KCTD1: variants seen among roughly 807,000 people sequenced by gnomAD.
The protein encoded by KCTD1 is BTB/POZ domain-containing protein KCTD1.
KCTD1 carries 24 observed loss-of-function variants against 66.0 expected under a neutral mutation model. The ratio of observed to expected loss-of-function variants is 0.36; its 90% CI spans 0.26 to 0.51. The LOEUF is 0.51. Among genes scored for constraint, KCTD1 ranks in the 20% least tolerant of loss-of-function variants. KCTD1 has a pLI of 0.95. For synonymous variants in KCTD1, 511 were observed against 517.2 expected, an observed-to-expected ratio of 0.99 and a Z score of 0.16; for missense variants, 943 against 1,205.2, an observed-to-expected ratio of 0.78 and a Z score of 3.22.
rs1985369626 is a variant in KCTD1, at chr18:26,548,354, CTCCTCT to C, written c.177_182del (p.Glu62_Glu63del). Reference sequence around the variant, plus strand: ...GCACCTCCTGGATCTCGTCCTCCTCCTCCTCTTCCTCCTCCTCCTCGCCCGCGCTGC... The same window carrying C: ...GCACCTCCTGGATCTCGTCCTCCTCCTCCTCCTCCTCCTCGCCCGCGCTGC... On this transcript the variant is annotated inframe_deletion, in exon 1 of 5. Transcript: ENST00000580059. The C allele has an allele frequency of 4.0e-6, 6 of 1,488,138 alleles. No homozygotes were observed. Among genetic ancestry groups the C allele is most frequent in the Non-Finnish European group, 5.4e-6 (6 of 1,120,876 alleles). The allele number at this position is 1,488,138 out of a possible 1,614,324, so 92.2% of individuals were successfully genotyped here.
chr18:26,621,306 C>T (rs1462894973), intron 1 of KCTD1, among the ~76,000 whole-genome samples: 1 of 152,110 alleles, frequency 6.6e-6, no homozygotes, highest in Non-Finnish European at 1.5e-5. Context: ...CTTCCCATGT[C>T]ACAAAATACA....
chr18:26,565,767 AC>A (rs1985967621), intron 1 of KCTD1: 1 of 151,298 alleles, frequency 6.6e-6, no homozygotes, highest in African/African-American at 2.4e-5. Flanking sequence ...CAAGTTTAGT[AC>A]TAAGGATTAG....
At chr18:26,553,305 T>G (rs935202421), upstream of KCTD1, among the ~76,000 whole-genome samples, 3 of 152,228 alleles carry the variant, frequency 2.0e-5, no homozygotes, top group Non-Finnish European at 4.4e-5. Flanking sequence ...TAATGTTTTT[T>G]GAACTCAGAT....
intron 1 of KCTD1, among the ~76,000 whole-genome samples, chr18:26,651,799 A>AAAAAAAG (rs764181233): frequency 2.8e-4 from 33 of 117,144 alleles, no homozygotes; most frequent in African/African-American, 1.0e-3. Flanking sequence ...AAAAAAAAAA[A>AAAAAAAG]AAGAAGAAGA....
chr18:26,615,663 G>A (rs1568010373), intron 1 of KCTD1, among the ~76,000 whole-genome samples: 1 of 152,194 alleles, frequency 6.6e-6, no homozygotes, highest in Admixed American at 6.5e-5. Flanking sequence ...GTTCTGATTA[G>A]AATGTGATCA....
At chr18:26,466,482 T>C (rs1419445199) in intron 3 of KCTD1, among the ~76,000 whole-genome samples, 1 of 152,196 alleles carries the variant, frequency 6.6e-6, no homozygotes, top group Non-Finnish European at 1.5e-5. Context: ...AGAGGGCATT[T>C]AGCAATGTCT....
chr18:26,604,562 A>G (rs919960291), intron 1 of KCTD1, among the ~76,000 whole-genome samples: 12 of 152,266 alleles, frequency 7.9e-5, no homozygotes, highest in Non-Finnish European at 1.8e-4. Flanking sequence ...CTATGCAGCC[A>G]TAAAAAATGA....
intron 2 of KCTD1, among the ~76,000 whole-genome samples, chr18:26,485,675 C>G (rs139536048): frequency 1.6e-4 from 25 of 152,112 alleles, no homozygotes; most frequent in African/African-American, 6.0e-4. Flanking sequence ...TAGGTTTTCC[C>G]TTGCTTTTTA....
upstream of KCTD1, chr18:26,548,615 T>G: frequency 1.7e-6 from 2 of 1,174,026 alleles, no homozygotes; most frequent in Non-Finnish European, 2.1e-6. Context: ...TTGTGTTTAA[T>G]GACCTTCAGC....
intron 1 of KCTD1, among the ~76,000 whole-genome samples, chr18:26,509,296 C>A (rs1033164451): frequency 2.6e-5 from 4 of 152,134 alleles, no homozygotes; most frequent in African/African-American, 9.7e-5. Context: ...TTCTGAGTAT[C>A]CACATTTGAT....
chr18:26,589,420 G>A (rs143845420), intron 1 of KCTD1, among the ~76,000 whole-genome samples: 69 of 152,172 alleles, frequency 4.5e-4, no homozygotes, highest in African/African-American at 1.6e-3. Flanking sequence ...CACATTTTAT[G>A]GAAACAGAAT....
At chr18:26,600,096 C>T (rs1986855472) in intron 1 of KCTD1, 1 of 1,610,780 alleles carries the variant, frequency 6.2e-7, no homozygotes. Flanking sequence ...ATCCGGCTTC[C>T]CTGCAGGCTG....
rs1403612840 is a variant in KCTD1, at chr18:26,548,160, T to A, written c.377A>T (p.Asp126Val). 1 of 1,463,498 alleles carries A rather than the reference T, an allele frequency of 6.8e-7. No homozygotes were observed. The allele number at this position is 1,463,498 out of a possible 1,614,324, so 90.7% of individuals were successfully genotyped here. The change falls in exon 1 of 5, where the codon GAC (aspartate) becomes GTC (valine). Residue 126 changes from aspartate (D) to valine (V), a missense_variant. By Grantham distance (152) the Asp-to-Val change is radical. Coordinates refer to ENST00000580059, the MANE Select transcript of KCTD1 (RefSeq NM_001142730.3). ...EPEPVHMINMDQSAALEPEAP... is the reference protein window; with the variant it reads ...EPEPVHMINMVQSAALEPEAP... ...CTCGGGCTCCAGCGCGGCGCTCTGG[T>A]CCATATTGATCATATGGACCGGCTC...
chr18:26,502,737 T>C (rs934929815), intron 1 of KCTD1, among the ~76,000 whole-genome samples: 1 of 152,158 alleles, frequency 6.6e-6, no homozygotes, highest in African/African-American at 2.4e-5. Flanking sequence ...TACTCTCAGA[T>C]TTATAATTTT....
chr18:26,631,979 G>A (rs1987629767), upstream of KCTD1, among the ~76,000 whole-genome samples: 1 of 152,144 alleles, frequency 6.6e-6, no homozygotes, highest in South Asian at 2.1e-4. Context: ...GAACCCGGCA[G>A]GCGGAGCTTG....
intron 3 of KCTD1, among the ~76,000 whole-genome samples, chr18:26,461,034 G>GT (rs2144538923): frequency 6.6e-6 from 1 of 152,376 alleles, no homozygotes; most frequent in African/African-American, 2.4e-5. Context: ...GGGATGCCCA[G>GT]TGCCTGCATG....
chr18:26,579,174 C>G (rs940117773), intron 1 of KCTD1, among the ~76,000 whole-genome samples: 3 of 152,166 alleles, frequency 2.0e-5, no homozygotes, highest in African/African-American at 7.2e-5. Flanking sequence ...GCTGGGCACA[C>G]AGTCAGTGCT....
At chr18:26,648,799 A>G (rs1987975605) in intron 1 of KCTD1, among the ~76,000 whole-genome samples, 1 of 152,218 alleles carries the variant, frequency 6.6e-6, no homozygotes, top group African/African-American at 2.4e-5. Context: ...GCCACTCACC[A>G]TATGTGAACC....
chr18:26,630,341 A>C (rs984511693), upstream of KCTD1, among the ~76,000 whole-genome samples: 4 of 152,142 alleles, frequency 2.6e-5, no homozygotes, highest in African/African-American at 9.7e-5. Context: ...TTTTAGAGGT[A>C]AGGTCTCACT....
Sources: gnomAD v4.1 joint callset for allele counts (sites outside exome capture counted in the v4.1 genomes callset) on GRCh38, gnomAD v4.1.1 for gene constraint, MANE v1.5 for transcripts, NCBI Gene and HGNC (gene_info 2026-07-23, HGNC 2026-07-21) for gene names.